Variants in TMEM53 observed in about 807,000 individuals in gnomAD.
TMEM53 encodes novel DUF829 domain-containing protein.
In TMEM53, 14 loss-of-function variants were observed where a neutral mutation model predicts 21.4. The ratio of observed to expected loss-of-function variants is 0.65; its 90% confidence interval spans 0.43 to 1.02. The LOEUF is 1.02. TMEM53 is among the 50% of genes least tolerant of loss of function. The pLI, the probability that TMEM53 is intolerant of heterozygous loss-of-function variation, is 0.00. For synonymous variants in TMEM53, 148 were observed against 157.4 expected (o/e 0.94, Z 0.45); for missense variants, 323 against 383.6 (o/e 0.84, Z 1.32).
chr1:44,664,067 G>C (rs1417084934), intron 1 of TMEM53, among the ~76,000 whole-genome samples: 1 of 150,926 alleles, frequency 6.6e-6, no homozygotes, highest in Middle Eastern at 3.2e-3. Flanking sequence ...CAGGAGGATA[G>C]CTTAAGCCCA....
chr1:44,672,954 A>C (rs564088715), intron 1 of TMEM53, among the ~76,000 whole-genome samples: 8 of 152,180 alleles, frequency 5.3e-5, no homozygotes, highest in African/African-American at 1.9e-4. Flanking sequence ...AGGGAGGTTC[A>C]ATAGCTTGCC....
chr1:44,655,347 G>A lies in TMEM53; in HGVS notation c.184-138C>T. 1.2e-6 allele frequency: 1 copy of A among 867,686 alleles called. No individual in the cohort carries two copies. Among genetic ancestry groups the A allele is most frequent in the Non-Finnish European group, 1.7e-6 (1 of 590,104 alleles). The allele number at this position is 867,686 out of a possible 1,614,324, so 53.7% of individuals were successfully genotyped here. ...CAGCGTCAGCAATGCTCTGGGTCCT[G>A]CTTCAGCCTGAGCCCACCAGCCCGC... is the stretch of plus-strand genomic sequence containing the variant. On this transcript the variant is annotated intron_variant, in intron 2 of 2. Transcript: ENST00000372237. This position sits in a 1 kb window ranked among gnomAD's most constrained non-coding sequence, Gnocchi z 4.4.
Position 44,653,901 on chromosome 1 carries a change from C to T in TMEM53, c.*658G>A, listed in dbSNP as rs1644822876. On this transcript the variant is annotated 3_prime_UTR_variant, in exon 3 of 3. Transcript: ENST00000372237. ...GAATTATGCAAGATGCAAGACTATT[C>T]AGTTCTAGAGGTCTGCCGTGCACAT... The T allele has an allele frequency of 6.6e-6, 1 of 152,222 alleles. No individual in the cohort carries two copies. The highest frequency in any genetic ancestry group is 1.5e-5 in the Non-Finnish European group (1 of 68,048). 9.4% of individuals were successfully genotyped at this position (152,222 alleles called of 1,614,324 possible). A position where few individuals can be genotyped will look rare whatever the true frequency, so the allele number is the denominator to read the frequency against.
rs1573245619 is a variant in TMEM53, at chr1:44,674,424, A to T, written c.-33T>A. 6.3e-7 allele frequency: 1 copy of T among 1,593,190 alleles called. No homozygotes were observed. On this transcript the variant is annotated 5_prime_UTR_variant, in exon 1 of 3. Coordinates refer to ENST00000372237, the MANE Select transcript of TMEM53 (RefSeq NM_024587.4). ...GCGCCGGCCCAGAGCACGGGTCTCCAGCCGGAACTCCCGCTTGCGCACCCG... is the reference window on the plus strand; with the variant it reads ...GCGCCGGCCCAGAGCACGGGTCTCCTGCCGGAACTCCCGCTTGCGCACCCG...
intron 1 of TMEM53, among the ~76,000 whole-genome samples, chr1:44,667,842 G>A (rs1644962804): frequency 6.6e-6 from 1 of 152,158 alleles, no homozygotes; most frequent in Non-Finnish European, 1.5e-5. Context: ...CCTCAGCAAT[G>A]TGGAAGGATT....
chr1:44,657,826 C>G (rs541937095), intron 2 of TMEM53, among the ~76,000 whole-genome samples: 3 of 152,256 alleles, frequency 2.0e-5, no homozygotes, highest in Admixed American at 1.3e-4. Context: ...CAGGCATGAG[C>G]CACAGCATCC....
chr1:44,674,130 G>A, intron 1 of TMEM53: 1 of 985,338 alleles, frequency 1.0e-6, no homozygotes, highest in Non-Finnish European at 1.2e-6. Flanking sequence ...GGCGGGGCTC[G>A]CCAGGGAGGA....
intron 1 of TMEM53, among the ~76,000 whole-genome samples, chr1:44,660,756 G>C (rs192542917): frequency 3.3e-5 from 5 of 151,854 alleles, no homozygotes; most frequent in Admixed American, 3.3e-4. Flanking sequence ...AGGCCGAGGC[G>C]GACGGATCGT....
intron 1 of TMEM53, among the ~76,000 whole-genome samples, chr1:44,667,543 G>C (rs1167707998): frequency 6.7e-6 from 1 of 149,994 alleles, no homozygotes. Context: ...CCTGACTTCA[G>C]GTGATCTGCC....
chr1:44,673,871 C>T (rs1360973902), intron 1 of TMEM53: 9 of 985,394 alleles, frequency 9.1e-6, no homozygotes, highest in East Asian at 1.1e-4. Flanking sequence ...TGGAGAGGGA[C>T]GGCTAAGGGT....
intron 1 of TMEM53, among the ~76,000 whole-genome samples, chr1:44,663,220 C>A (rs979315108): frequency 7.2e-5 from 11 of 152,032 alleles, no homozygotes; most frequent in Admixed American, 2.0e-4. Flanking sequence ...TGGCCCGGCT[C>A]ATTTAAAAAC....
chr1:44,664,008 TG>T (rs1368430376), intron 1 of TMEM53, among the ~76,000 whole-genome samples: 1 of 151,680 alleles, frequency 6.6e-6, no homozygotes, highest in Admixed American at 6.6e-5. Flanking sequence ...AAAAATTAGT[TG>T]GGCAAGGTGG....
chr1:44,669,956 A>T (rs1302572979), intron 1 of TMEM53, among the ~76,000 whole-genome samples: 1 of 151,242 alleles, frequency 6.6e-6, no homozygotes, highest in African/African-American at 2.4e-5. Context: ...GCGCCACCAC[A>T]CCCGGCTAAT....
rs971621356 is a variant in TMEM53 at position 44,670,579 on chromosome 1, A to G, written c.61+3752T>C. ...AGCCTCTCCCACCACAGGGCCCACC[A>G]TGGTGGTCCAGACCCTTCAGCACTG... On this transcript the variant is annotated intron_variant, in intron 1 of 2. Transcript: ENST00000372237. Among the ~76,000 whole-genome samples the G allele has an allele frequency of 4.6e-5, 7 of 152,264 alleles. No individual in the cohort carries two copies. In the South Asian group the frequency reaches 1.4e-3, roughly 32 times the overall value.
intron 1 of TMEM53, among the ~76,000 whole-genome samples, chr1:44,667,985 C>G (rs1644963758): frequency 6.6e-6 from 1 of 152,142 alleles, no homozygotes; most frequent in African/African-American, 2.4e-5. Context: ...TATTGTACAA[C>G]AGTTCAAGCC....
chr1:44,658,864 C>A, intron 2 of TMEM53, among the ~76,000 whole-genome samples: 1 of 152,096 alleles, frequency 6.6e-6, no homozygotes, highest in East Asian at 1.9e-4. Flanking sequence ...AAGGGACTTT[C>A]TGATTCACGA....
chr1:44,654,460 C>A lies in TMEM53; in HGVS notation c.*99G>T. On this transcript the variant is annotated 3_prime_UTR_variant, in exon 3 of 3. Coordinates refer to ENST00000372237, the MANE Select transcript of TMEM53 (RefSeq NM_024587.4). This position sits in a 1 kb window ranked among gnomAD's most constrained non-coding sequence, Gnocchi z 7.0. ...TAGGGGACCGCAAAGTCCCAAAGGG[C>A]TACAGGGAGTTGAACGAGAAGAGTG... 1 of 1,427,302 alleles carries A rather than the reference C, an allele frequency of 7.0e-7. No individual in the cohort carries two copies. Among genetic ancestry groups the A allele is most frequent in the Admixed American group, 1.9e-5 (1 of 53,432 alleles). 88.4% of individuals were successfully genotyped at this position (1,427,302 alleles called of 1,614,324 possible).
chr1:44,655,224 C>T lies in TMEM53; in HGVS notation c.184-15G>A. On this transcript the variant is annotated splice_polypyrimidine_tract_variant and intron_variant, in intron 2 of 2. Coordinates refer to ENST00000372237, the MANE Select transcript of TMEM53 (RefSeq NM_024587.4). The surrounding 1 kb of genome is among the most constrained non-coding windows in gnomAD (Gnocchi z 4.4). The stretch of plus-strand genomic sequence containing the variant: ...ACGATGCAGCCCTGGGGAGAGAGGC[C>T]TGGTCAGTCCTCACAGATGAGGTGG... 2 of 1,579,108 alleles carry T rather than the reference C, an allele frequency of 1.3e-6. No homozygotes were observed. Among genetic ancestry groups the T allele is most frequent in the Non-Finnish European group, 1.7e-6 (2 of 1,162,084 alleles).
At position 44,655,280 on chromosome 1, in the gene TMEM53, G is replaced by A. The variant is rs1573216530; in HGVS notation, c.184-71C>T. 4 of 1,458,184 alleles carry A rather than the reference G, an allele frequency of 2.7e-6. No homozygotes were observed. The East Asian group carries it at 9.2e-5, about 34-fold the overall frequency. 90.3% of individuals were successfully genotyped at this position (1,458,184 alleles called of 1,614,324 possible). A position where few individuals can be genotyped will look rare whatever the true frequency, so the allele number is the denominator to read the frequency against. ...GTGGGTACAAGCTAAGGTCAGAGGG[G>A]CCCAGCAACCCCAGCCTGTAGGACA... is the stretch of plus-strand genomic sequence containing the variant. On this transcript the variant is annotated intron_variant, in intron 2 of 2. Transcript: ENST00000372237. This position sits in a 1 kb window ranked among gnomAD's most constrained non-coding sequence, Gnocchi z 4.4.
Sources: gnomAD v4.1 joint callset for allele counts (sites outside exome capture counted in the v4.1 genomes callset) on GRCh38, gnomAD v4.1.1 for gene constraint, Gnocchi (gnomAD v3.1) non-coding constraint, MANE v1.5 for transcripts, NCBI Gene and HGNC (gene_info 2026-07-23, HGNC 2026-07-21) for gene names.